Variants in EXOC6B observed in about 807,000 individuals in gnomAD.
EXOC6B encodes the protein SEC15 homolog B.
In EXOC6B, 54 loss-of-function variants were observed where a neutral mutation model predicts 113.5. The ratio of observed to expected loss-of-function variants is 0.48; its 90% CI spans 0.38 to 0.60. The LOEUF is 0.60. EXOC6B is among the 20% of genes least tolerant of loss of function. The pLI is 0.00. For missense variants in EXOC6B, 797 were observed against 977.5 expected (o/e 0.82, Z 2.46); for synonymous variants, 357 against 339.0 (o/e 1.05, Z -0.58).
intron 6 of EXOC6B, among the ~76,000 whole-genome samples, chr2:72,661,370 C>CAAAAAAAAAAAAAAAAAAAAAAAAA (rs200936973): frequency 1.4e-5 from 1 of 69,076 alleles, no homozygotes; most frequent in African/African-American, 5.5e-5. Flanking sequence ...CAAGGAATCT[C>CAAAAAAAAAAAAAAAAAAAAAAAAA]AAAAAAAAAA....
At chr2:72,726,105 A>T (rs1262021934) in intron 5 of EXOC6B, among the ~76,000 whole-genome samples, 2 of 152,248 alleles carry the variant, frequency 1.3e-5, no homozygotes, top group Non-Finnish European at 2.9e-5. Context: ...ACCTTCCATT[A>T]TGCTAAGTGG....
intron 6 of EXOC6B, among the ~76,000 whole-genome samples, chr2:72,694,374 G>A (rs149427343): frequency 1.9e-4 from 29 of 152,226 alleles, no homozygotes; most frequent in East Asian, 1.5e-3. Flanking sequence ...CCTGGGAGGC[G>A]GAGGTTGCAG....
chr2:72,264,079 G>T (rs1243584690), intron 20 of EXOC6B, among the ~76,000 whole-genome samples: 1 of 152,128 alleles, frequency 6.6e-6, no homozygotes, highest in Non-Finnish European at 1.5e-5. Flanking sequence ...TATAAAAAAG[G>T]ATAATGAACC....
chr2:72,609,596 G>C (rs1213735209), intron 6 of EXOC6B, among the ~76,000 whole-genome samples: 1 of 150,736 alleles, frequency 6.6e-6, no homozygotes, highest in Admixed American at 6.6e-5. Context: ...GCAGAAAAAA[G>C]GATCAGGAGC....
At chr2:72,586,840 T>A (rs574995428) in intron 6 of EXOC6B, among the ~76,000 whole-genome samples, 4 of 150,876 alleles carry the variant, frequency 2.7e-5, no homozygotes, top group African/African-American at 9.8e-5. Context: ...ATCAAGGAAA[T>A]GCAAATCAAA....
chr2:72,609,704 T>C (rs1396536773), intron 6 of EXOC6B, among the ~76,000 whole-genome samples: 1 of 151,926 alleles, frequency 6.6e-6, no homozygotes, highest in African/African-American at 2.4e-5. Flanking sequence ...GAGGAGATAC[T>C]GGCCAAAAGT....
chr2:72,607,912 T>A (rs1353671033), intron 6 of EXOC6B, among the ~76,000 whole-genome samples: 2 of 151,970 alleles, frequency 1.3e-5, no homozygotes, highest in Middle Eastern at 3.4e-3. Context: ...GGAAAAGAAT[T>A]CCAATTCACA....
intron 2 of EXOC6B, among the ~76,000 whole-genome samples, chr2:72,736,176 A>C (rs891635062): frequency 6.6e-6 from 1 of 151,078 alleles, no homozygotes; most frequent in African/African-American, 2.4e-5. Context: ...ACGGAGCAAC[A>C]CTCTGTCTCA....
intron 18 of EXOC6B, among the ~76,000 whole-genome samples, chr2:72,385,523 T>A (rs1404934942): frequency 6.7e-6 from 1 of 149,628 alleles, no homozygotes; most frequent in African/African-American, 2.5e-5. Flanking sequence ...CAGGATTACA[T>A]CAAACTAAAA....
intron 6 of EXOC6B, among the ~76,000 whole-genome samples, chr2:72,688,886 A>G (rs1677286273): frequency 6.6e-6 from 1 of 152,234 alleles, no homozygotes; most frequent in South Asian, 2.1e-4. Context: ...ATCTATGCAC[A>G]ACTGTACAAC....
chr2:72,671,623 G>A (rs1332955254), intron 6 of EXOC6B, among the ~76,000 whole-genome samples: 4 of 151,896 alleles, frequency 2.6e-5, no homozygotes, highest in Non-Finnish European at 4.4e-5. Flanking sequence ...GCTTGAACCC[G>A]GGAGGTGGAG....
chr2:72,664,211 G>A (rs1675225597), intron 6 of EXOC6B, among the ~76,000 whole-genome samples: 1 of 152,160 alleles, frequency 6.6e-6, no homozygotes, highest in Middle Eastern at 3.4e-3. Context: ...GCAAGGAAGT[G>A]CTGCTCCCAC....
In EXOC6B at chr2:72,656,946, G is replaced by A. The variant is rs1290226688; in HGVS notation, c.669+61157C>T. On this transcript the variant is annotated intron_variant, in intron 6 of 21. Transcript: ENST00000272427. ...GGCTCACTGCAACCTCCACCCCCTA[G>A]GTTCAAGTGATTCTCCTGCCTCAGC... is the stretch of plus-strand genomic sequence containing the variant. Among the ~76,000 whole-genome samples the A allele has an allele frequency of 1.7e-4, 26 of 151,996 alleles. 1 individual carries two copies. The highest frequency in any genetic ancestry group is 1.7e-3 in the Admixed American group (26 of 15,248).
At chr2:72,596,019 G>A (rs1249392427) in intron 6 of EXOC6B, among the ~76,000 whole-genome samples, 1 of 152,110 alleles carries the variant, frequency 6.6e-6, no homozygotes, top group Non-Finnish European at 1.5e-5. Context: ...AAAAGAAAAG[G>A]AAGGCCTCTG....
At chr2:72,246,719 C>A (rs1353319614) in intron 20 of EXOC6B, among the ~76,000 whole-genome samples, 1 of 151,998 alleles carries the variant, frequency 6.6e-6, no homozygotes, top group Admixed American at 6.6e-5. Context: ...CTCAAGTAAT[C>A]CTCCTGCCTC....
At chr2:72,283,807 A>G (rs1194532862) in intron 20 of EXOC6B, among the ~76,000 whole-genome samples, 4 of 152,168 alleles carry the variant, frequency 2.6e-5, no homozygotes, top group Non-Finnish European at 4.4e-5. Flanking sequence ...AAATAACCCA[A>G]TTATAGCCAG....
chr2:72,767,315 T>C (rs1683124804), intron 1 of EXOC6B, among the ~76,000 whole-genome samples: 2 of 150,788 alleles, frequency 1.3e-5, no homozygotes, highest in African/African-American at 4.9e-5. Context: ...CCTGTAATCC[T>C]AGCAACTGGA....
intron 2 of EXOC6B, among the ~76,000 whole-genome samples, chr2:72,737,760 G>T (rs2104799961): frequency 6.6e-6 from 1 of 152,092 alleles, no homozygotes; most frequent in South Asian, 2.1e-4. Flanking sequence ...GCTGAGGAAG[G>T]ATAATCGCTT....
At chr2:72,204,086 C>T (rs1263576476) in intron 20 of EXOC6B, among the ~76,000 whole-genome samples, 1 of 152,110 alleles carries the variant, frequency 6.6e-6, no homozygotes, top group Non-Finnish European at 1.5e-5. Context: ...TTCCTCCTAT[C>T]TCTAAGGTCA....
Sources: gnomAD v4.1 joint callset for allele counts (sites outside exome capture counted in the v4.1 genomes callset) on GRCh38, gnomAD v4.1.1 for gene constraint, MANE v1.5 for transcripts, NCBI Gene and HGNC (gene_info 2026-07-23, HGNC 2026-07-21) for gene names.